The following DDR2 variants were observed in gnomAD, a reference collection of about 807,000 sequenced individuals.
DDR2 encodes discoidin domain-containing receptor 2.
DDR2 carries 27 observed loss-of-function variants against 94.9 expected under a neutral mutation model. That is an observed-to-expected ratio of 0.28 (90% CI 0.21 to 0.39). DDR2 has a LOEUF of 0.39. Among genes scored for constraint, DDR2 ranks in the 10% least tolerant of loss-of-function variants. The pLI is 1.00. For missense variants in DDR2, 783 were observed against 1,076.0 expected, an observed-to-expected ratio of 0.73 and a Z score of 3.81; for synonymous variants, 382 against 377.2, an observed-to-expected ratio of 1.01 and a Z score of -0.15.
chr1:162,741,241 A>ATATAATATAATATAG (rs71096405), intron 3 of DDR2, among the ~76,000 whole-genome samples: 27 of 127,422 alleles, frequency 2.1e-4, no homozygotes, highest in Admixed American at 1.5e-3. Flanking sequence ...ATATAATATA[A>ATATAATATAATATAG]TATAGTATAA....
chr1:162,729,300 A>ATATATATTTTTTTTTTTT (rs1416872679), intron 3 of DDR2, among the ~76,000 whole-genome samples: 4 of 94,016 alleles, frequency 4.3e-5, no homozygotes, highest in African/African-American at 2.1e-4. Flanking sequence ...ATATATATAT[A>ATATATATTTTTTTTTTTT]TTTTTTTTTT....
At chr1:162,776,761 C>T (rs1647582687) in intron 16 of DDR2, among the ~76,000 whole-genome samples, 1 of 152,118 alleles carries the variant, frequency 6.6e-6, no homozygotes, top group African/African-American at 2.4e-5. Context: ...TAGACTAATT[C>T]CTATAATTGT....
At chr1:162,761,028 T>C (rs1663712417) in intron 8 of DDR2, among the ~76,000 whole-genome samples, 183 bp from the exon 9 acceptor site, 1 of 152,148 alleles carries the variant, frequency 6.6e-6, no homozygotes, top group South Asian at 2.1e-4. Flanking sequence ...CACCTAGCCC[T>C]GTGAAAAGAA....
At chr1:162,764,825 TAA>T (rs766135759) in intron 9 of DDR2, among the ~76,000 whole-genome samples, 20 of 132,222 alleles carry the variant, frequency 1.5e-4, no homozygotes, top group Admixed American at 2.3e-4. Flanking sequence ...AGACCCTGTT[TAA>T]AAAAAAAAAA....
At chr1:162,770,633 G>A (rs1380375470) in intron 12 of DDR2, 121 bp downstream of exon 12, 2 of 990,796 alleles carry the variant, frequency 2.0e-6, no homozygotes, top group African/African-American at 1.6e-5. Context: ...CTCCTGAGAA[G>A]TCCACATTCT....
rs1648025362 is a variant in DDR2 at position 162,783,729 on chromosome 1, T to C, written c.*3483T>C. On this transcript the variant is annotated 3_prime_UTR_variant, in exon 18 of 18. Coordinates refer to ENST00000367921, the MANE Select transcript of DDR2 (RefSeq NM_006182.4). ...GAAATGGAAAGGAATTTTTCAGAAT[T>C]TTAAGAAAGGGGAAGTTCCTCTTGG... 1 of 152,116 alleles carries C rather than the reference T, an allele frequency of 6.6e-6. No individual in the cohort carries two copies. The highest frequency in any genetic ancestry group is 2.1e-4 in the South Asian group (1 of 4,826). 9.4% of individuals were successfully genotyped at this position (152,116 alleles called of 1,614,324 possible).
In DDR2 at chr1:162,746,477, G is replaced by A. The variant is rs114397650; in HGVS notation, c.83-6618G>A. Among the ~76,000 whole-genome samples the A allele has an allele frequency of 5.4e-3, 829 of 152,322 alleles. 7 individuals carry two copies. The highest frequency in any genetic ancestry group is 0.019 in the African/African-American group (777 of 41,570). Reference sequence around the variant, plus strand: ...GGTAAACAAAGAAGCCGGGAAGGTCGAACTGGGTGGTACCCATCACAGCTC... The same window carrying A: ...GGTAAACAAAGAAGCCGGGAAGGTCAAACTGGGTGGTACCCATCACAGCTC... On this transcript the variant is annotated intron_variant, in intron 3 of 17. Transcript: ENST00000367921.
chr1:162,765,433 G>C (rs537303248), intron 9 of DDR2, among the ~76,000 whole-genome samples: 1 of 152,222 alleles, frequency 6.6e-6, no homozygotes, highest in East Asian at 1.9e-4. Context: ...CTCTGGCAAA[G>C]CTGCCAACAT....
At chr1:162,757,403 GA>G (rs1369902357) in intron 7 of DDR2, among the ~76,000 whole-genome samples, 1 of 151,980 alleles carries the variant, frequency 6.6e-6, no homozygotes, top group Non-Finnish European at 1.5e-5. Flanking sequence ...ATAGCATGAG[GA>G]AAAAAGAATC....
intron 1 of DDR2, among the ~76,000 whole-genome samples, chr1:162,645,029 A>G (rs1349233388): frequency 3.3e-5 from 5 of 152,202 alleles, no homozygotes; most frequent in African/African-American, 1.2e-4. Flanking sequence ...TTGGCAATGT[A>G]AGGTGGGTCG....
At chr1:162,763,080 G>A (rs905669687) in intron 9 of DDR2, among the ~76,000 whole-genome samples, 5 of 151,006 alleles carry the variant, frequency 3.3e-5, no homozygotes, top group African/African-American at 1.2e-4. Flanking sequence ...CAAGTGATCC[G>A]CCTGCCTTGG....
intron 1 of DDR2, among the ~76,000 whole-genome samples, chr1:162,649,684 C>T (rs1435471421): frequency 6.6e-6 from 1 of 152,228 alleles, no homozygotes; most frequent in Non-Finnish European, 1.5e-5. Flanking sequence ...GTCTGAACCC[C>T]TGCACTGATT....
chr1:162,743,913 A>G (rs910976950), intron 3 of DDR2, among the ~76,000 whole-genome samples: 1 of 152,206 alleles, frequency 6.6e-6, no homozygotes, highest in Non-Finnish European at 1.5e-5. Flanking sequence ...TTCTGTCACT[A>G]TAGATTAACT....
chr1:162,677,431 A>T (rs567017688), intron 2 of DDR2, among the ~76,000 whole-genome samples: 1 of 152,342 alleles, frequency 6.6e-6, no homozygotes, highest in Admixed American at 6.5e-5. Flanking sequence ...ATAGCTGATT[A>T]CAGTTTGCAA....
chr1:162,675,008 A>G (rs1388996331), intron 2 of DDR2, among the ~76,000 whole-genome samples: 3 of 152,080 alleles, frequency 2.0e-5, no homozygotes, highest in Non-Finnish European at 4.4e-5. Flanking sequence ...ACAAAAAAAA[A>G]CTAGCCGGGC....
At chr1:162,705,854 T>A (rs1344117350) in intron 2 of DDR2, among the ~76,000 whole-genome samples, 1 of 152,244 alleles carries the variant, frequency 6.6e-6, no homozygotes, top group Non-Finnish European at 1.5e-5. Flanking sequence ...CATGTAAATC[T>A]TAGCACACTG....
chr1:162,774,093 A>G (rs948686218), intron 14 of DDR2, among the ~76,000 whole-genome samples: 4 of 151,552 alleles, frequency 2.6e-5, no homozygotes, highest in African/African-American at 4.9e-5. Flanking sequence ...AGCTACCTCT[A>G]TTTGGAAAAT....
intron 9 of DDR2, among the ~76,000 whole-genome samples, chr1:162,762,425 G>T (rs915812415): frequency 6.6e-6 from 1 of 152,168 alleles, no homozygotes; most frequent in Non-Finnish European, 1.5e-5. Context: ...TGTAATGCTA[G>T]ATCCTCTCAC....
intron 3 of DDR2, among the ~76,000 whole-genome samples, chr1:162,738,016 A>T (rs1474773998): frequency 6.6e-6 from 1 of 151,936 alleles, no homozygotes; most frequent in Non-Finnish European, 1.5e-5. Flanking sequence ...AATGGGCAAA[A>T]ACTGGAAGCA....
Sources: gnomAD v4.1 joint callset for allele counts (sites outside exome capture counted in the v4.1 genomes callset) on GRCh38, gnomAD v4.1.1 for gene constraint, MANE v1.5 for transcripts, NCBI Gene and HGNC (gene_info 2026-07-23, HGNC 2026-07-21) for gene names.